Variants in CNTN4 observed in about 807,000 individuals in gnomAD.
CNTN4 encodes the protein contactin-4.
CNTN4 carries 77 observed loss-of-function variants against 122.5 expected under a neutral mutation model. That is an observed-to-expected ratio of 0.63 (90% CI 0.52 to 0.76). CNTN4 has a LOEUF of 0.76. Among genes scored for constraint, CNTN4 ranks in the 30% least tolerant of loss-of-function variants. The pLI is 0.00. For synonymous variants in CNTN4, 512 were observed against 447.0 expected (o/e 1.15, Z -1.83); for missense variants, 1,256 against 1,259.1 (o/e 1.00, Z 0.04).
chr3:2,532,932 G>T lies in CNTN4; in HGVS notation c.-88-38484G>T, dbSNP rs573353866. On this transcript the variant is annotated intron_variant, in intron 3 of 24. Transcript: ENST00000418658. Reference sequence around the variant, plus strand: ...AACACTGTAGAACTCATAGCCTTACGAGTTTACTGGGGCTGCTAACAGAGC... The same window carrying T: ...AACACTGTAGAACTCATAGCCTTACTAGTTTACTGGGGCTGCTAACAGAGC... 2.6e-5 allele frequency among the ~76,000 whole-genome samples: 4 copies of T among 152,166 alleles called. No individual in the cohort carries two copies. The South Asian group carries it at 8.3e-4, about 32-fold the overall frequency.
rs1229466289 is a variant in CNTN4 at position 2,475,291 on chromosome 3, A to G, written c.-88-96125A>G. Among the ~76,000 whole-genome samples the G allele has an allele frequency of 4.6e-5, 7 of 152,226 alleles. No homozygotes were observed. In the South Asian group the frequency reaches 1.0e-3, roughly 22 times the overall value. ...GAAAAGGATGCCATTTGTTTTACTT[A>G]GTTCTTTAAACTAAAGCACTAACCT... is the stretch of plus-strand genomic sequence containing the variant. On this transcript the variant is annotated intron_variant, in intron 3 of 24. Transcript: ENST00000418658.
At chr3:2,854,919 A>G (rs899590637) in intron 7 of CNTN4, among the ~76,000 whole-genome samples, 5 of 152,192 alleles carry the variant, frequency 3.3e-5, no homozygotes, top group African/African-American at 9.7e-5. Flanking sequence ...TGCTTAGCTT[A>G]AAGTAAGAAG....
intron 3 of CNTN4, among the ~76,000 whole-genome samples, chr3:2,350,515 G>A (rs2044568992): frequency 6.6e-6 from 1 of 152,132 alleles, no homozygotes; most frequent in Non-Finnish European, 1.5e-5. Context: ...GGAAATTGCT[G>A]TAAAGTGCTC....
chr3:2,473,118 G>T (rs1386944819), intron 3 of CNTN4, among the ~76,000 whole-genome samples: 1 of 151,008 alleles, frequency 6.6e-6, no homozygotes, highest in South Asian at 2.1e-4. Context: ...GTAATCCCAG[G>T]TACTCAGGAG....
chr3:2,636,343 A>G (rs2082657130), intron 4 of CNTN4, among the ~76,000 whole-genome samples: 1 of 152,226 alleles, frequency 6.6e-6, no homozygotes, highest in South Asian at 2.1e-4. Context: ...ATTGAGGAAC[A>G]CTAATTATGC....
intron 4 of CNTN4, among the ~76,000 whole-genome samples, chr3:2,707,983 G>T (rs1239326056): frequency 6.6e-6 from 1 of 152,092 alleles, no homozygotes; most frequent in Admixed American, 6.6e-5. Flanking sequence ...AAGTCATTTT[G>T]ATATATGGTA....
intron 13 of CNTN4, among the ~76,000 whole-genome samples, chr3:2,974,953 A>G (rs537729084): frequency 1.3e-5 from 2 of 151,748 alleles, no homozygotes; most frequent in Non-Finnish European, 2.9e-5. Flanking sequence ...TCTTATAGAA[A>G]CCTCTTCTCA....
intron 6 of CNTN4, among the ~76,000 whole-genome samples, chr3:2,775,566 C>T (rs569299384): frequency 3.3e-5 from 5 of 152,084 alleles, no homozygotes; most frequent in East Asian, 3.9e-4. Context: ...AGTACAAGTG[C>T]GCACCACCAC....
At chr3:2,285,404 C>T (rs1178757103) in intron 2 of CNTN4, among the ~76,000 whole-genome samples, 3 of 152,016 alleles carry the variant, frequency 2.0e-5, no homozygotes, top group Non-Finnish European at 4.4e-5. Flanking sequence ...TCATTAATGA[C>T]TCATTAAAAT....
At chr3:2,435,196 CTT>C (rs1381939469) in intron 3 of CNTN4, among the ~76,000 whole-genome samples, 1 of 152,098 alleles carries the variant, frequency 6.6e-6, no homozygotes, top group Non-Finnish European at 1.5e-5. Context: ...TTCTAAAAAA[CTT>C]AAATATAAAT....
chr3:2,267,753 A>G (rs553913873), intron 2 of CNTN4, among the ~76,000 whole-genome samples: 2 of 152,104 alleles, frequency 1.3e-5, no homozygotes, highest in South Asian at 2.1e-4. Flanking sequence ...AGAATATTGG[A>G]TTTTCTTATG....
intron 7 of CNTN4, among the ~76,000 whole-genome samples, chr3:2,859,008 T>C (rs7628031): frequency 0.08 from 12,117 of 152,260 alleles, 519 homozygotes; most frequent in Middle Eastern, 0.16. Flanking sequence ...CTTGAACTTA[T>C]TCCTTCTGTC....
intron 6 of CNTN4, among the ~76,000 whole-genome samples, chr3:2,803,458 G>T (rs2092393936): frequency 6.6e-6 from 1 of 152,124 alleles, no homozygotes; most frequent in Non-Finnish European, 1.5e-5. Context: ...TAAGACACAG[G>T]CTTTTTATAT....
At chr3:2,601,774 G>C (rs1228984176) in intron 4 of CNTN4, among the ~76,000 whole-genome samples, 1 of 151,934 alleles carries the variant, frequency 6.6e-6, no homozygotes, top group Non-Finnish European at 1.5e-5. Context: ...CCAAAGCCTG[G>C]CAGAGACACA....
At chr3:2,983,594 G>A (rs1029773406) in intron 13 of CNTN4, among the ~76,000 whole-genome samples, 6 of 152,134 alleles carry the variant, frequency 3.9e-5, no homozygotes, top group Non-Finnish European at 8.8e-5. Context: ...TCTAAGCACC[G>A]CACATCTTAA....
intron 2 of CNTN4, among the ~76,000 whole-genome samples, chr3:2,225,012 C>CGT (rs1559357586): frequency 1.3e-5 from 2 of 150,568 alleles, no homozygotes; most frequent in African/African-American, 2.4e-5. Flanking sequence ...TAGCCGGTTG[C>CGT]GGTGGCGGGC....
rs1575914235 is a variant in CNTN4 at position 2,541,062 on chromosome 3, C to A, written c.-88-30354C>A. 4.6e-5 allele frequency among the ~76,000 whole-genome samples: 7 copies of A among 152,234 alleles called. No individual in the cohort carries two copies. The South Asian group carries it at 1.4e-3, about 32-fold the overall frequency. ...GAACTTATACCCAAGTCCTTATCTCCAAGTCTAATCTCCTATCTTTCTTCA... is the reference window on the plus strand; with the variant it reads ...GAACTTATACCCAAGTCCTTATCTCAAAGTCTAATCTCCTATCTTTCTTCA... On this transcript the variant is annotated intron_variant, in intron 3 of 24. Coordinates refer to ENST00000418658, the MANE Select transcript of CNTN4 (RefSeq NM_175607.3).
At chr3:2,589,562 C>G (rs1229120727) in intron 4 of CNTN4, among the ~76,000 whole-genome samples, 3 of 152,168 alleles carry the variant, frequency 2.0e-5, no homozygotes, top group Admixed American at 6.5e-5. Context: ...GTGTCATTCT[C>G]AACTTTTTTT....
intron 7 of CNTN4, among the ~76,000 whole-genome samples, chr3:2,862,884 A>G (rs976297508): frequency 6.6e-6 from 1 of 152,186 alleles, no homozygotes; most frequent in Non-Finnish European, 1.5e-5. Context: ...TTGTATATTG[A>G]GCGATATAAA....
Sources: allele counts gnomAD v4.1 joint callset (sites outside exome capture counted in the v4.1 genomes callset), GRCh38; gene constraint gnomAD v4.1.1; transcripts MANE v1.5; gene names NCBI Gene and HGNC (gene_info 2026-07-23, HGNC 2026-07-21).